Variants in CBFA2T2 observed in about 807,000 individuals in gnomAD.
The protein encoded by CBFA2T2 is protein CBFA2T2.
CBFA2T2 carries 11 observed loss-of-function variants against 62.2 expected under a neutral mutation model. The ratio of observed to expected loss-of-function variants is 0.18; its 90% CI spans 0.11 to 0.29. CBFA2T2 has a LOEUF of 0.29. Ranked by LOEUF, CBFA2T2 falls within the 10% of genes least tolerant of loss-of-function variation. CBFA2T2 has a pLI of 1.00. For missense variants in CBFA2T2, 592 were observed against 774.1 expected, an observed-to-expected ratio of 0.76 and a Z score of 2.79; for synonymous variants, 295 against 287.5, an observed-to-expected ratio of 1.03 and a Z score of -0.27.
chr20:33,572,119 C>G (rs1025730791), intron 1 of CBFA2T2, among the ~76,000 whole-genome samples: 2 of 152,228 alleles, frequency 1.3e-5, no homozygotes, highest in Non-Finnish European at 2.9e-5. Flanking sequence ...TCTTGAACTC[C>G]TGACTTCAGG....
intron 9 of CBFA2T2, 71 bp from the exon 10 acceptor site, chr20:33,640,266 CCTTA>C (rs1305361036): frequency 6.7e-6 from 9 of 1,346,544 alleles, no homozygotes; most frequent in East Asian, 2.5e-5. Context: ...TCAGCTCTCT[CCTTA>C]CTTAGAATTG....
rs149592145 is a variant in CBFA2T2, at chr20:33,527,213, G to A, written c.34+36912G>A. 2.7e-3 allele frequency among the ~76,000 whole-genome samples: 412 copies of A among 152,044 alleles called. 4 individuals carry two copies. Among genetic ancestry groups the A allele is most frequent in the Non-Finnish European group, 4.3e-3 (295 of 67,974 alleles). ...TTTGTGTGTGTATTTTTGTTTGTTT[G>A]TTTTTTGAGATGGAGTCTCACTACA... On this transcript the variant is annotated intron_variant, in intron 1 of 10. Coordinates refer to ENST00000342704, the MANE Select transcript of CBFA2T2 (RefSeq NM_001032999.3).
intron 10 of CBFA2T2, among the ~76,000 whole-genome samples, chr20:33,643,131 TG>T (rs1227510733): frequency 6.6e-6 from 1 of 152,130 alleles, no homozygotes; most frequent in Non-Finnish European, 1.5e-5. Flanking sequence ...TTGTGAAAGG[TG>T]GTCTGGTGTG....
In CBFA2T2 at chr20:33,545,709, A is replaced by T. The variant is rs1308426948; in HGVS notation, c.34+55408A>T. ...TTATCTGTCCCCTGTTGGCCTCCCA[A>T]AATGCTGGGATTACAGGCGTGAGCC... On this transcript the variant is annotated intron_variant, in intron 1 of 10. Coordinates refer to ENST00000342704, the MANE Select transcript of CBFA2T2 (RefSeq NM_001032999.3). 2.0e-5 allele frequency among the ~76,000 whole-genome samples: 3 copies of T among 152,316 alleles called. No individual in the cohort carries two copies. The East Asian group carries it at 5.8e-4, about 29-fold the overall frequency.
intron 1 of CBFA2T2, among the ~76,000 whole-genome samples, chr20:33,553,496 T>G (rs1216639844): frequency 1.3e-5 from 2 of 152,242 alleles, no homozygotes; most frequent in African/African-American, 4.8e-5. Flanking sequence ...CCTCCCAAAG[T>G]GCTGGGATTA....
intron 1 of CBFA2T2, among the ~76,000 whole-genome samples, chr20:33,595,984 T>A (rs1262228260): frequency 2.6e-5 from 4 of 152,214 alleles, no homozygotes; most frequent in Non-Finnish European, 4.4e-5. Context: ...GGATTCACAG[T>A]CACAGTTTCA....
intron 1 of CBFA2T2, among the ~76,000 whole-genome samples, chr20:33,530,796 T>C (rs988023165): frequency 6.6e-6 from 1 of 150,760 alleles, no homozygotes; most frequent in Non-Finnish European, 1.5e-5. Flanking sequence ...AAAATAAAGA[T>C]GGCGCCAGGC....
At chr20:33,549,589 G>A (rs1365192512) in intron 1 of CBFA2T2, among the ~76,000 whole-genome samples, 1 of 152,232 alleles carries the variant, frequency 6.6e-6, no homozygotes, top group East Asian at 1.9e-4. Context: ...GGTTGTCTAG[G>A]GCTGTAAAGG....
intron 1 of CBFA2T2, among the ~76,000 whole-genome samples, chr20:33,511,319 G>T (rs925703292): frequency 2.0e-5 from 3 of 152,192 alleles, no homozygotes; most frequent in African/African-American, 7.2e-5. Flanking sequence ...TGTATAAGGT[G>T]TAAGAAAGGG....
intron 1 of CBFA2T2, among the ~76,000 whole-genome samples, chr20:33,576,041 C>T (rs1476661127): frequency 6.6e-6 from 1 of 152,114 alleles, no homozygotes; most frequent in Non-Finnish European, 1.5e-5. Context: ...CCCACCTTGG[C>T]CTCCCAAAGT....
chr20:33,644,400 C>T lies in CBFA2T2; in HGVS notation c.1542C>T (p.Ile514=), dbSNP rs766207717. 4.3e-6 allele frequency: 7 copies of T among 1,614,092 alleles called. No individual in the cohort carries two copies. The highest frequency in any genetic ancestry group is 2.7e-5 in the African/African-American group (2 of 74,952). ...GCGAGACATGCAGTGGCTGCAATAT[C>T]GCGCGATACTGTGGCTCTTTCTGCC... is the stretch of plus-strand genomic sequence containing the variant. ...KASETCSGCN[I]ARYCGSFCQH... is the part of the protein sequence containing the mutation. The change falls in exon 11 of 11, where the codon ATC becomes ATT. Residue 514 remains isoleucine, a synonymous_variant. Transcript: ENST00000342704.
At chr20:33,595,219 A>AT (rs1020597925) in intron 1 of CBFA2T2, among the ~76,000 whole-genome samples, 4 of 151,026 alleles carry the variant, frequency 2.6e-5, no homozygotes, top group Non-Finnish European at 4.4e-5. Flanking sequence ...ACTTGAAAAA[A>AT]TTTTTTTTTT....
intron 4 of CBFA2T2, among the ~76,000 whole-genome samples, chr20:33,621,743 A>G (rs1470164216): frequency 6.6e-6 from 1 of 152,214 alleles, no homozygotes; most frequent in African/African-American, 2.4e-5. Flanking sequence ...TAAAGTACTA[A>G]TACCAGTTTT....
rs541662413 is a variant in CBFA2T2 at position 33,644,940 on chromosome 20, T to C, written c.*294T>C. 2.7e-6 allele frequency: 1 copy of C among 374,292 alleles called. No individual in the cohort carries two copies. 23.2% of individuals were successfully genotyped at this position (374,292 alleles called of 1,614,324 possible). A position where few individuals can be genotyped will look rare whatever the true frequency, so the allele number is the denominator to read the frequency against. ...GCTGACTTAGCCGGCCCCTTTTCAGTGTAGACCACCAGCTCCCCTCCCCAT... is the reference window on the plus strand; with the variant it reads ...GCTGACTTAGCCGGCCCCTTTTCAGCGTAGACCACCAGCTCCCCTCCCCAT... On this transcript the variant is annotated 3_prime_UTR_variant, in exon 11 of 11. Transcript: ENST00000342704.
chr20:33,622,816 A>C (rs551760237), intron 4 of CBFA2T2, among the ~76,000 whole-genome samples: 27 of 152,342 alleles, frequency 1.8e-4, no homozygotes, highest in African/African-American at 6.5e-4. Flanking sequence ...TATGTTTTAA[A>C]ATTATTATGT....
At chr20:33,523,192 G>A (rs1476733835) in intron 1 of CBFA2T2, among the ~76,000 whole-genome samples, 2 of 152,004 alleles carry the variant, frequency 1.3e-5, no homozygotes, top group Non-Finnish European at 2.9e-5. Flanking sequence ...TACTGAATTT[G>A]CATTTTAGTA....
At chr20:33,520,643 C>T (rs534488209) in intron 1 of CBFA2T2, among the ~76,000 whole-genome samples, 1 of 152,024 alleles carries the variant, frequency 6.6e-6, no homozygotes, top group African/African-American at 2.4e-5. Flanking sequence ...TGGTGGCACG[C>T]ATCTGTATTC....
At chr20:33,573,318 GA>G (rs958898589) in intron 1 of CBFA2T2, among the ~76,000 whole-genome samples, 38 of 152,134 alleles carry the variant, frequency 2.5e-4, no homozygotes, top group African/African-American at 6.7e-4. Flanking sequence ...AGGAGAAAGG[GA>G]AAGGGTTTAA....
In CBFA2T2 at chr20:33,504,403, C is replaced by CTTTT. The variant is rs533648842; in HGVS notation, c.34+14122_34+14125dup. Among the ~76,000 whole-genome samples the CTTTT allele has an allele frequency of 2.6e-3, 308 of 117,550 alleles. 4 individuals are homozygous for CTTTT. The highest frequency in any genetic ancestry group is 9.7e-3 in the African/African-American group (294 of 30,300). The allele number at this position is 117,550 out of a possible 152,430, so 77.1% of individuals were successfully genotyped here. A position where few individuals can be genotyped will look rare whatever the true frequency, so the allele number is the denominator to read the frequency against. ...GGTTCTATGATAATTTCATATTTAA[C>CTTTT]TTTTTTTTTTTTTTTTTTTTTTTAA... is the stretch of plus-strand genomic sequence containing the variant. On this transcript the variant is annotated intron_variant, in intron 1 of 10. Coordinates refer to ENST00000342704, the MANE Select transcript of CBFA2T2 (RefSeq NM_001032999.3).
Sources: gnomAD v4.1 joint callset for allele counts (sites outside exome capture counted in the v4.1 genomes callset) on GRCh38, gnomAD v4.1.1 for gene constraint, MANE v1.5 for transcripts, NCBI Gene and HGNC (gene_info 2026-07-23, HGNC 2026-07-21) for gene names.